Variants in TSPAN11 observed in about 807,000 individuals in gnomAD.
TSPAN11 encodes tetraspanin 11, also known as tetraspanin-11.
TSPAN11 carries 29 observed loss-of-function variants against 32.9 expected under a neutral mutation model. That is an observed-to-expected ratio of 0.88 (90% CI 0.66 to 1.20). The LOEUF is 1.20. Ranked by LOEUF, TSPAN11 falls within the 50% of genes most tolerant of loss-of-function variation. The probability of loss-of-function intolerance (pLI) is 0.00; values close to 1 mark genes in which losing one functional copy is unlikely to be tolerated. For synonymous variants in TSPAN11, 140 were observed against 141.3 expected, an observed-to-expected ratio of 0.99 and a Z score of 0.07; for missense variants, 283 against 329.1, an observed-to-expected ratio of 0.86 and a Z score of 1.08.
Position 30,963,865 on chromosome 12 carries a change from C to G in TSPAN11, c.124C>G (p.Leu42Val), listed in dbSNP as rs1271785802. Reference protein sequence around the residue: ...AAVLAVGIWTLVEKSGYLSVL... With the variant: ...AAVLAVGIWTVVEKSGYLSVL... ...CGTCCTGGCTGTGGGCATCTGGACC[C>G]TGGTGGAGAAGAGTGGCTACCTCAG... Residue 42 changes from leucine to valine, a missense_variant, in exon 3 of 8, where the codon CTG becomes GTG. Physicochemically the swap from Leu to Val is conservative, Grantham distance 32. Transcript: ENST00000546076. The G allele has an allele frequency of 6.2e-7, 1 of 1,612,032 alleles. No individual in the cohort carries two copies. Among genetic ancestry groups the G allele is most frequent in the South Asian group, 1.1e-5 (1 of 91,080 alleles).
intron 3 of TSPAN11, among the ~76,000 whole-genome samples, chr12:30,970,225 T>G (rs1359754503): frequency 6.6e-6 from 1 of 152,202 alleles, no homozygotes; most frequent in Non-Finnish European, 1.5e-5. Context: ...TGTCTCCCTG[T>G]TGGGGGTCTG....
At chr12:30,991,109 G>A (rs751300808) in intron 7 of TSPAN11, among the ~76,000 whole-genome samples, 11 of 152,216 alleles carry the variant, frequency 7.2e-5, no homozygotes, top group Non-Finnish European at 1.2e-4. Context: ...GCCTGTGTCT[G>A]CTTTGGACCA....
chr12:30,955,628 T>G (rs1938463237), intron 2 of TSPAN11, among the ~76,000 whole-genome samples: 1 of 152,164 alleles, frequency 6.6e-6, no homozygotes, highest in African/African-American at 2.4e-5. Context: ...AAAATCAAGG[T>G]GTCACAGGGC....
chr12:30,967,040 A>AT (rs931958219), intron 3 of TSPAN11, among the ~76,000 whole-genome samples: 3 of 152,100 alleles, frequency 2.0e-5, no homozygotes, highest in Non-Finnish European at 2.9e-5. Context: ...GAATTATTGG[A>AT]TTTTTTGGAG....
intron 3 of TSPAN11, among the ~76,000 whole-genome samples, chr12:30,973,759 C>A (rs1444133592): frequency 6.6e-6 from 1 of 152,184 alleles, no homozygotes; most frequent in Non-Finnish European, 1.5e-5. Flanking sequence ...CTGAGAATTT[C>A]TTATTACTGA....
intron 2 of TSPAN11, among the ~76,000 whole-genome samples, chr12:30,962,080 A>G (rs997172040): frequency 2.0e-5 from 3 of 152,088 alleles, no homozygotes; most frequent in African/African-American, 7.3e-5. Context: ...ACTGCCAAGT[A>G]CAATTATAAA....
chr12:30,944,430 G>A (rs1430898669), intron 1 of TSPAN11, among the ~76,000 whole-genome samples: 1 of 151,998 alleles, frequency 6.6e-6, no homozygotes, highest in Non-Finnish European at 1.5e-5. Context: ...TATTTCTATG[G>A]GATCAACAAT....
At chr12:30,980,884 A>C (rs1939077043) in intron 5 of TSPAN11, among the ~76,000 whole-genome samples, 1 of 152,284 alleles carries the variant, frequency 6.6e-6, no homozygotes, top group African/African-American at 2.4e-5. Context: ...ACTGGGCCTC[A>C]CCTGTGAGGA....
intron 1 of TSPAN11, among the ~76,000 whole-genome samples, chr12:30,946,625 G>A (rs1938273732): frequency 6.6e-6 from 1 of 152,210 alleles, no homozygotes; most frequent in African/African-American, 2.4e-5. Flanking sequence ...CTGGGGATCT[G>A]GGAAGGTGGG....
chr12:30,992,128 C>T lies in TSPAN11; in HGVS notation c.*213C>T, dbSNP rs1411660607. 2 of 610,952 alleles carry T rather than the reference C, an allele frequency of 3.3e-6. No homozygotes were observed. Among genetic ancestry groups the T allele is most frequent in the South Asian group, 1.9e-5 (1 of 52,356 alleles). The allele number at this position is 610,952 out of a possible 1,614,324, so 37.8% of individuals were successfully genotyped here. A position where few individuals can be genotyped will look rare whatever the true frequency, so the allele number is the denominator to read the frequency against. On this transcript the variant is annotated 3_prime_UTR_variant, in exon 8 of 8. Coordinates refer to ENST00000546076, the MANE Select transcript of TSPAN11 (RefSeq NM_001370302.1). ...GCCCCCTCTCCTCCATTTCTGAGCC[C>T]CCATGGCCAGATCCTGGGCAGGGAA...
chr12:30,985,183 C>T (rs1436946764), intron 7 of TSPAN11, among the ~76,000 whole-genome samples: 1 of 152,106 alleles, frequency 6.6e-6, no homozygotes, highest in Non-Finnish European at 1.5e-5. Flanking sequence ...CTGCCATCTA[C>T]AGCTGTGGAC....
At chr12:30,945,416 C>A (rs1248481706) in intron 1 of TSPAN11, among the ~76,000 whole-genome samples, 1 of 152,182 alleles carries the variant, frequency 6.6e-6, no homozygotes, top group Non-Finnish European at 1.5e-5. Flanking sequence ...AAGGATGCAG[C>A]TGGCCCAGGG....
intron 3 of TSPAN11, among the ~76,000 whole-genome samples, chr12:30,965,809 A>C (rs1241784709): frequency 1.3e-5 from 2 of 152,166 alleles, no homozygotes; most frequent in Non-Finnish European, 2.9e-5. Flanking sequence ...GTCACCTTGC[A>C]GTTGTGTTCT....
At chr12:30,976,902 T>C (rs575307389) in intron 3 of TSPAN11, among the ~76,000 whole-genome samples, 1 of 152,262 alleles carries the variant, frequency 6.6e-6, no homozygotes, top group Admixed American at 6.5e-5. Flanking sequence ...GCTGGAGGTT[T>C]TTCCTGATGC....
chr12:30,965,429 C>T (rs1938710193), intron 3 of TSPAN11, among the ~76,000 whole-genome samples: 1 of 151,978 alleles, frequency 6.6e-6, no homozygotes, highest in African/African-American at 2.4e-5. Flanking sequence ...CACCTCTGGA[C>T]AGCCCAAGAA....
chr12:30,964,493 A>G (rs920114326), intron 3 of TSPAN11, among the ~76,000 whole-genome samples: 1 of 151,722 alleles, frequency 6.6e-6, no homozygotes, highest in Non-Finnish European at 1.5e-5. Context: ...AAGATATGCA[A>G]AAATAAAGAG....
intron 2 of TSPAN11, among the ~76,000 whole-genome samples, chr12:30,962,236 C>T (rs914260083): frequency 8.7e-5 from 13 of 150,156 alleles, no homozygotes; most frequent in African/African-American, 3.3e-4. Context: ...CCACCTGGCT[C>T]TTCCACCTGG....
At chr12:31,009,423 G>C in the TSPAN11 span, among the ~76,000 whole-genome samples, 1 of 152,208 alleles carries the variant, frequency 6.6e-6, no homozygotes, top group Non-Finnish European at 1.5e-5. Flanking sequence ...GGCTGCATGA[G>C]GGCAGGAGCC....
chr12:30,939,865 C>CCTCAATTACAACCTCAGG (rs1165910343), intron 1 of TSPAN11, among the ~76,000 whole-genome samples: 1 of 152,238 alleles, frequency 6.6e-6, no homozygotes, highest in Non-Finnish European at 1.5e-5. Context: ...ATCAATGGAA[C>CCTCAATTACAACCTCAGG]TGTCCTGTTC....
Sources: gnomAD v4.1 joint callset for allele counts (sites outside exome capture counted in the v4.1 genomes callset) on GRCh38, gnomAD v4.1.1 for gene constraint, MANE v1.5 for transcripts, NCBI Gene and HGNC (gene_info 2026-07-23, HGNC 2026-07-21) for gene names.